Variants in STXBP5L observed in about 807,000 individuals in gnomAD.
STXBP5L encodes the protein syntaxin binding protein 5L.
A neutral mutation model predicts 144.5 loss-of-function variants in STXBP5L; 65 were observed. That is an observed-to-expected ratio of 0.45 (90% CI 0.37 to 0.55). The LOEUF (loss-of-function observed/expected upper bound fraction) is 0.55. Among genes scored for constraint, STXBP5L ranks in the 20% least tolerant of loss-of-function variants. STXBP5L has a pLI of 0.00. For missense variants in STXBP5L, 1,298 were observed against 1,405.5 expected (o/e 0.92, Z 1.22); for synonymous variants, 505 against 469.6 (o/e 1.08, Z -0.97).
chr3:121,267,108 T>A (rs1201106510), intron 18 of STXBP5L, among the ~76,000 whole-genome samples: 1 of 152,112 alleles, frequency 6.6e-6, no homozygotes, highest in African/African-American at 2.4e-5. Context: ...GTTAAGATAA[T>A]CCTAAGCAAA....
At chr3:121,289,255 A>T (rs557685212) in intron 19 of STXBP5L, among the ~76,000 whole-genome samples, 6 of 152,190 alleles carry the variant, frequency 3.9e-5, no homozygotes, top group Admixed American at 1.3e-4. Flanking sequence ...TAAGAAAGAC[A>T]TGAAGGGACA....
intron 20 of STXBP5L, among the ~76,000 whole-genome samples, chr3:121,363,447 C>T (rs1014769820): frequency 1.3e-5 from 2 of 152,160 alleles, no homozygotes; most frequent in Non-Finnish European, 2.9e-5. Context: ...ATTGGCAGTT[C>T]CCCTCTGGCT....
At chr3:121,121,094 A>G (rs1216731758) in intron 6 of STXBP5L, among the ~76,000 whole-genome samples, 2 of 151,332 alleles carry the variant, frequency 1.3e-5, no homozygotes, top group African/African-American at 2.4e-5. Context: ...TAAGTGTGGT[A>G]TAACCAATGA....
At chr3:121,107,265 A>G (rs777967131) in intron 5 of STXBP5L, among the ~76,000 whole-genome samples, 3 of 151,818 alleles carry the variant, frequency 2.0e-5, no homozygotes, top group African/African-American at 4.8e-5. Flanking sequence ...ATTGCTTTTG[A>G]TGTTTTCATC....
At chr3:121,056,700 C>T (rs1186774483) in intron 5 of STXBP5L, among the ~76,000 whole-genome samples, 3 of 152,120 alleles carry the variant, frequency 2.0e-5, no homozygotes, top group Non-Finnish European at 4.4e-5. Context: ...TTCCTGTCCC[C>T]TGGACACTTA....
At chr3:121,173,323 T>TATAATAACA (rs1553725477) in intron 9 of STXBP5L, among the ~76,000 whole-genome samples, 28 of 146,534 alleles carry the variant, frequency 1.9e-4, no homozygotes, top group East Asian at 4.0e-4. Flanking sequence ...GAACTTAAAA[T>TATAATAACA]ATAATAATAA....
chr3:121,204,502 A>G (rs557301709), intron 9 of STXBP5L, among the ~76,000 whole-genome samples: 18 of 152,314 alleles, frequency 1.2e-4, no homozygotes, highest in Non-Finnish European at 2.2e-4. Flanking sequence ...TGCCCTTTAA[A>G]CAAGTTGAAT....
chr3:121,005,487 C>G (rs1944210518), intron 3 of STXBP5L, among the ~76,000 whole-genome samples: 1 of 152,090 alleles, frequency 6.6e-6, no homozygotes, highest in Non-Finnish European at 1.5e-5. Flanking sequence ...TTTTGTTGAT[C>G]TTTTCACAAA....
intron 19 of STXBP5L, among the ~76,000 whole-genome samples, chr3:121,287,925 C>G (rs981448276): frequency 6.6e-6 from 1 of 152,136 alleles, no homozygotes; most frequent in Non-Finnish European, 1.5e-5. Flanking sequence ...TTATGTCTCA[C>G]AAAACTCAAT....
intron 19 of STXBP5L, among the ~76,000 whole-genome samples, chr3:121,312,705 A>C (rs1001405725): frequency 6.6e-6 from 1 of 151,560 alleles, no homozygotes; most frequent in African/African-American, 2.4e-5. Flanking sequence ...AACAAAGCAC[A>C]TCTTGCACCG....
intron 20 of STXBP5L, among the ~76,000 whole-genome samples, chr3:121,367,899 A>T (rs2045914056): frequency 6.8e-6 from 1 of 146,356 alleles, no homozygotes; most frequent in Non-Finnish European, 1.5e-5. Flanking sequence ...TGCTGGAGTT[A>T]TAGGCATGAG....
intron 12 of STXBP5L, among the ~76,000 whole-genome samples, chr3:121,235,001 TA>T (rs199709099): frequency 2.6e-5 from 4 of 151,154 alleles, no homozygotes; most frequent in Non-Finnish European, 4.4e-5. Context: ...TATATATATA[TA>T]TTTTTTTATT....
At chr3:121,196,391 G>C (rs569463537) in intron 9 of STXBP5L, among the ~76,000 whole-genome samples, 82 of 151,842 alleles carry the variant, frequency 5.4e-4, no homozygotes, top group Non-Finnish European at 5.4e-4. Flanking sequence ...CACCTGCCTC[G>C]ACCTCCCAAA....
At chr3:121,015,985 C>T (rs548058048) in intron 3 of STXBP5L, among the ~76,000 whole-genome samples, 103 of 152,274 alleles carry the variant, frequency 6.8e-4, no homozygotes, top group African/African-American at 2.3e-3. Context: ...CATATAATAA[C>T]AAGTGCAGAC....
At position 121,094,851 on chromosome 3, in the gene STXBP5L, C is replaced by T. The variant is rs896539390; in HGVS notation, c.471-20074C>T. On this transcript the variant is annotated intron_variant, in intron 5 of 26. Coordinates refer to ENST00000471454, the MANE Select transcript of STXBP5L (RefSeq NM_001308330.2). ...TGGTTATTTTGCTCGTTAGTTGATG[C>T]AGTTTCTTCCTAGTCTCGATGGTCT... Among the ~76,000 whole-genome samples, 5 of 151,932 alleles carry T rather than the reference C, an allele frequency of 3.3e-5. No individual in the cohort carries two copies. In the South Asian group the frequency reaches 8.4e-4, roughly 26 times the overall value.
At chr3:121,260,878 G>C (rs947234639) in intron 18 of STXBP5L, among the ~76,000 whole-genome samples, 1 of 152,072 alleles carries the variant, frequency 6.6e-6, no homozygotes, top group African/African-American at 2.4e-5. Flanking sequence ...TAGAGTATTG[G>C]GTGCTTGCTT....
At chr3:120,928,639 A>AGTGTGT (rs71133519) in intron 2 of STXBP5L, among the ~76,000 whole-genome samples, 1,720 of 147,246 alleles carry the variant, frequency 0.012, 21 homozygotes, top group African/African-American at 0.034. Flanking sequence ...TGGTATACAG[A>AGTGTGT]GTGTGTGTGT....
chr3:121,366,873 G>A (rs892438139), intron 20 of STXBP5L, among the ~76,000 whole-genome samples: 18 of 151,940 alleles, frequency 1.2e-4, no homozygotes, highest in African/African-American at 4.1e-4. Context: ...ACTGTTAAAT[G>A]GGATGTTTAG....
chr3:121,290,608 GA>G (rs1308570292), intron 19 of STXBP5L, among the ~76,000 whole-genome samples: 1 of 151,980 alleles, frequency 6.6e-6, no homozygotes, highest in Non-Finnish European at 1.5e-5. Context: ...TAACAAAAAA[GA>G]AGACTACAGA....
Sources: allele counts gnomAD v4.1 joint callset (sites outside exome capture counted in the v4.1 genomes callset), GRCh38; gene constraint gnomAD v4.1.1; transcripts MANE v1.5; gene names NCBI Gene and HGNC (gene_info 2026-07-23, HGNC 2026-07-21).